WDFY3: variants seen among roughly 807,000 people sequenced by gnomAD.
The protein encoded by WDFY3 is WD repeat and FYVE domain containing 3.
Under a neutral mutation model 409.6 loss-of-function variants are expected in WDFY3, and 66 were observed. That is an observed-to-expected ratio of 0.16 (90% CI 0.13 to 0.20). WDFY3 has a LOEUF of 0.20. Ranked by LOEUF, WDFY3 falls within the 10% of genes least tolerant of loss-of-function variation. WDFY3 has a pLI of 1.00. For synonymous variants in WDFY3, 1,521 were observed against 1,537.1 expected (o/e 0.99, Z 0.25); for missense variants, 3,031 against 4,298.1 (o/e 0.71, Z 8.24).
At chr4:84,834,722 A>G (rs1449155701) in intron 7 of WDFY3, among the ~76,000 whole-genome samples, 1 of 152,202 alleles carries the variant, frequency 6.6e-6, no homozygotes, top group African/African-American at 2.4e-5. Context: ...ACAAAAGTCC[A>G]ACCAAGTGTG....
intron 40 of WDFY3, among the ~76,000 whole-genome samples, chr4:84,738,808 T>A (rs1737914301): frequency 6.6e-6 from 1 of 152,238 alleles, no homozygotes; most frequent in Admixed American, 6.5e-5. Context: ...CTCACAGTGT[T>A]ACTAAGAAAT....
chr4:84,717,125 A>C lies in WDFY3; in HGVS notation c.7755-109T>G. ...CACATGAACAGGATGGAGGAGTAAT[A>C]TATATCAGAATTTTCAGTTAAAAAA... On this transcript the variant is annotated intron_variant, in intron 48 of 67. Transcript: ENST00000295888. 2.5e-6 allele frequency: 3 copies of C among 1,194,062 alleles called. No homozygotes were observed. The African/African-American group carries it at 4.7e-5, about 19-fold the overall frequency. 74.0% of individuals were successfully genotyped at this position (1,194,062 alleles called of 1,614,324 possible). A position where few individuals can be genotyped will look rare whatever the true frequency, so the allele number is the denominator to read the frequency against.
chr4:84,683,572 G>C (rs1007230415), intron 63 of WDFY3, among the ~76,000 whole-genome samples: 1 of 152,172 alleles, frequency 6.6e-6, no homozygotes, highest in African/African-American at 2.4e-5. Context: ...ATTCTCTGTA[G>C]GGAAGAGACT....
rs765517193 is a variant in WDFY3, at chr4:84,751,702, A to T, written c.5754T>A (p.Asp1918Glu). ...RPYSEMVTDL[D>E]DEVGSPAEEF... is the part of the protein sequence containing the mutation. ...CTTCTGCTGGAGATCCAACTTCATC[A>T]TCAAGGTCAGTCACCTAGTAAAATC... The change falls in exon 36 of 68, where the codon GAT (aspartate) becomes GAA (glutamate). Residue 1918 changes from aspartate to glutamate, a missense_variant. This residue lies in a region of WDFY3 where 314 missense variants were observed against 397.4 expected (regional missense o/e 0.79). Coordinates refer to ENST00000295888, the MANE Select transcript of WDFY3 (RefSeq NM_014991.6). 1.9e-6 allele frequency: 3 copies of T among 1,614,184 alleles called. No individual in the cohort carries two copies. The South Asian group carries it at 3.3e-5, about 18-fold the overall frequency.
At position 84,808,337 on chromosome 4, in the gene WDFY3, T is replaced by C; in HGVS notation, c.2426A>G (p.Lys809Arg). ...SPWGTPALSR[K>R]RHAYHSVSTP... is the part of the protein sequence containing the mutation. ...ACTTCTCTTATATGATCAGTACCTT[T>C]TCCTGGACAAAGCTGGTGTACCCCA... Residue 809 changes from lysine to arginine, a missense_variant, in exon 15 of 68, where the codon AAA becomes AGA. Physicochemically the swap from Lys to Arg is conservative, Grantham distance 26 (BLOSUM62 2). Transcript: ENST00000295888. 5 of 1,613,512 alleles carry C rather than the reference T, an allele frequency of 3.1e-6. No homozygotes were observed. The highest frequency in any genetic ancestry group is 4.2e-6 in the Non-Finnish European group (5 of 1,179,538).
intron 43 of WDFY3, 42 bp downstream of exon 43, chr4:84,735,001 A>G: frequency 6.4e-7 from 1 of 1,561,472 alleles, no homozygotes. Flanking sequence ...TTCACATACA[A>G]AAAATGTAAA....
chr4:84,955,909 G>C (rs78313246), intron 1 of WDFY3, among the ~76,000 whole-genome samples: 2,817 of 152,212 alleles, frequency 0.019, 40 homozygotes, highest in East Asian at 0.058. Flanking sequence ...TGAAATTTAT[G>C]TGTGTGGATG....
intron 2 of WDFY3, among the ~76,000 whole-genome samples, chr4:84,925,549 A>G (rs1484187643): frequency 6.6e-6 from 1 of 152,230 alleles, no homozygotes; most frequent in East Asian, 1.9e-4. Context: ...TAGATTTTTT[A>G]AAGAATAAAC....
intron 7 of WDFY3, among the ~76,000 whole-genome samples, chr4:84,835,059 AG>A (rs1277614078): frequency 3.9e-5 from 6 of 152,342 alleles, no homozygotes; most frequent in Non-Finnish European, 5.9e-5. Context: ...ACTGTAAATG[AG>A]GAGTTTGATT....
chr4:84,962,546 C>T (rs928542234), intron 1 of WDFY3, among the ~76,000 whole-genome samples: 1 of 152,042 alleles, frequency 6.6e-6, no homozygotes, highest in Non-Finnish European at 1.5e-5. Context: ...GTAACGGAAA[C>T]GTCCTTTTCT....
chr4:84,677,980 A>G (rs1019160600), intron 66 of WDFY3, among the ~76,000 whole-genome samples, 188 bp downstream of exon 66: 9 of 151,410 alleles, frequency 5.9e-5, no homozygotes, highest in South Asian at 2.1e-4. Context: ...AAAAAAAAAA[A>G]AAAAAAAGAA....
intron 7 of WDFY3, among the ~76,000 whole-genome samples, chr4:84,836,624 T>A (rs1328329086): frequency 6.6e-6 from 1 of 152,096 alleles, no homozygotes; most frequent in Admixed American, 6.6e-5. Flanking sequence ...AATCTTTATA[T>A]CATTTTCAAG....
chr4:84,715,818 T>C (rs951905311), intron 49 of WDFY3, among the ~76,000 whole-genome samples: 1 of 150,320 alleles, frequency 6.7e-6, no homozygotes, highest in Non-Finnish European at 1.5e-5. Flanking sequence ...TTGCTAACAC[T>C]TTTAGAGTCA....
rs765845395 is a variant in WDFY3 at position 84,757,153 on chromosome 4, C to T, written c.5197G>A (p.Val1733Met). Reference sequence around the variant, plus strand: ...GATCTCCCACCAGCACTTCTGCCCACGTTGAATCCTAAGAGAAGAGGAATA... The same window carrying T: ...GATCTCCCACCAGCACTTCTGCCCATGTTGAATCCTAAGAGAAGAGGAATA... Reference protein sequence around the residue: ...NKIGTVLGFNVGRSAGGRSTV... With the variant: ...NKIGTVLGFNMGRSAGGRSTV... The change falls in exon 33 of 68, where the codon GTG becomes ATG. Residue 1733 changes from valine (V) to methionine (M), a missense_variant. Around this residue, in one of 16 missense-constraint regions of WDFY3, gnomAD observed 342 missense variants for 463.7 expected, o/e 0.74. Transcript: ENST00000295888. The T allele has an allele frequency of 6.2e-7, 1 of 1,613,078 alleles. No individual in the cohort carries two copies.
intron 2 of WDFY3, among the ~76,000 whole-genome samples, chr4:84,901,228 T>C (rs1766296485): frequency 6.6e-6 from 1 of 152,220 alleles, no homozygotes; most frequent in African/African-American, 2.4e-5. Context: ...GTTTGAAAAT[T>C]TCTCCTCTCC....
chr4:84,898,718 T>C (rs1039828303), intron 2 of WDFY3, among the ~76,000 whole-genome samples: 23 of 152,228 alleles, frequency 1.5e-4, no homozygotes, highest in Non-Finnish European at 3.2e-4. Flanking sequence ...TTTACCTGTC[T>C]TTTAACCCCA....
At chr4:84,791,150 T>A (rs572361313) in intron 21 of WDFY3, among the ~76,000 whole-genome samples, 14 of 152,288 alleles carry the variant, frequency 9.2e-5, no homozygotes, top group African/African-American at 3.4e-4. Flanking sequence ...CAAAGAGGTA[T>A]CAGTACTCCC....
intron 3 of WDFY3, among the ~76,000 whole-genome samples, chr4:84,867,705 AATAT>A (rs1206034605): frequency 3.5e-4 from 53 of 152,326 alleles, no homozygotes; most frequent in African/African-American, 1.3e-3. Context: ...AAATTTTTAA[AATAT>A]ATTTGTCAAG....
intron 56 of WDFY3, among the ~76,000 whole-genome samples, chr4:84,701,524 T>C (rs1045216224): frequency 6.6e-6 from 1 of 152,048 alleles, no homozygotes; most frequent in Non-Finnish European, 1.5e-5. Flanking sequence ...CAGTAGAAAA[T>C]ACAAGGAATG....
Sources: allele counts gnomAD v4.1 joint callset (sites outside exome capture counted in the v4.1 genomes callset), GRCh38; gene constraint gnomAD v4.1.1; regional missense constraint gnomAD v4.1.1; transcripts MANE v1.5; gene names NCBI Gene and HGNC (gene_info 2026-07-23, HGNC 2026-07-21).